The following TRPM6 variants were observed in gnomAD, a reference collection of about 807,000 sequenced individuals.
The protein encoded by TRPM6 is transient receptor potential cation channel subfamily M member 6.
A neutral mutation model predicts 247.6 loss-of-function variants in TRPM6; 111 were observed. That is an observed-to-expected ratio of 0.45 (90% CI 0.38 to 0.52). The LOEUF is 0.52. Among genes scored for constraint, TRPM6 ranks in the 20% least tolerant of loss-of-function variants. The probability of loss-of-function intolerance (pLI) is 0.00; values close to 1 mark genes in which losing one functional copy is unlikely to be tolerated. For synonymous variants in TRPM6, 892 were observed against 853.8 expected (o/e 1.04, Z -0.78); for missense variants, 2,126 against 2,421.5 (o/e 0.88, Z 2.56).
At chr9:74,807,226 C>A (rs1828555955) in intron 14 of TRPM6, among the ~76,000 whole-genome samples, 1 of 152,154 alleles carries the variant, frequency 6.6e-6, no homozygotes, top group Non-Finnish European at 1.5e-5. Context: ...GAATCTTACC[C>A]CAAACTGCCT....
chr9:74,873,847 C>T (rs1831104995), intron 1 of TRPM6, among the ~76,000 whole-genome samples: 1 of 151,642 alleles, frequency 6.6e-6, no homozygotes, highest in African/African-American at 2.4e-5. Flanking sequence ...GGGTAGGGTA[C>T]AGACAAGTTT....
intron 21 of TRPM6, 79 bp downstream of exon 21, chr9:74,785,795 T>C (rs1274724224): frequency 1.3e-6 from 2 of 1,541,462 alleles, no homozygotes; most frequent in Admixed American, 1.7e-5. Flanking sequence ...AGTGCTGGGA[T>C]TACAGGTGTG....
At chr9:74,885,072 G>A (rs1831490547) in intron 1 of TRPM6, among the ~76,000 whole-genome samples, 1 of 152,190 alleles carries the variant, frequency 6.6e-6, no homozygotes, top group Non-Finnish European at 1.5e-5. Context: ...CTTGAGGGAA[G>A]ATTTAGACAA....
chr9:74,856,449 G>C (rs928683596), intron 2 of TRPM6, among the ~76,000 whole-genome samples: 5 of 107,190 alleles, frequency 4.7e-5, no homozygotes, highest in African/African-American at 1.4e-4. Flanking sequence ...CAAAATATGT[G>C]TGTGTGTGTG....
chr9:74,867,962 G>C (rs1214757278), intron 1 of TRPM6, among the ~76,000 whole-genome samples: 2 of 151,794 alleles, frequency 1.3e-5, no homozygotes, highest in African/African-American at 4.8e-5. Flanking sequence ...AGACCAGCCT[G>C]GCCAACATGG....
intron 6 of TRPM6, among the ~76,000 whole-genome samples, chr9:74,828,763 G>A (rs981189071): frequency 2.0e-5 from 3 of 151,464 alleles, no homozygotes; most frequent in Middle Eastern, 3.2e-3. Context: ...CGAGTAGCTG[G>A]GTCTACAGGC....
chr9:74,739,228 A>C, intron 35 of TRPM6, 139 bp downstream of exon 35: 1 of 886,230 alleles, frequency 1.1e-6, no homozygotes, highest in Non-Finnish European at 1.9e-6. Context: ...CCAGTCTCCG[A>C]AATTATGGAA....
At chr9:74,864,139 TA>T (rs1830774896) in intron 1 of TRPM6, among the ~76,000 whole-genome samples, 1 of 152,192 alleles carries the variant, frequency 6.6e-6, no homozygotes, top group Non-Finnish European at 1.5e-5. Flanking sequence ...CTCTTAACCT[TA>T]TTGTAATCCA....
At position 74,827,812 on chromosome 9, in the gene TRPM6, C is replaced by T. The variant is rs983941972; in HGVS notation, c.807G>A (p.Leu269=). The change falls in exon 7 of 39, where the codon CTG becomes CTA. Residue 269 remains leucine, a synonymous_variant. Coordinates refer to ENST00000360774, the MANE Select transcript of TRPM6 (RefSeq NM_017662.5). The part of the protein sequence containing the change: ...YGNEMKLRRN[L]EKYLSLQKIH... The stretch of plus-strand genomic sequence containing the variant: ...TTTTCTGCAGAGAGAGGTACTTCTC[C>T]AGGTTCCTTCTGAGCTTCATTTCAT... 1.2e-6 allele frequency: 2 copies of T among 1,614,062 alleles called. No individual in the cohort carries two copies. Among genetic ancestry groups the T allele is most frequent in the African/African-American group, 1.3e-5 (1 of 74,982 alleles).
Position 74,775,909 on chromosome 9 carries a change from T to C in TRPM6, c.3377A>G (p.Asp1126Gly). The C allele has an allele frequency of 6.2e-7, 1 of 1,614,092 alleles. No individual in the cohort carries two copies. Among genetic ancestry groups the C allele is most frequent in the Non-Finnish European group, 8.5e-7 (1 of 1,180,034 alleles). The change falls in exon 24 of 39, where the codon GAC (aspartate) becomes GGC (glycine). Residue 1126 changes from aspartate to glycine, a missense_variant. Coordinates refer to ENST00000360774, the MANE Select transcript of TRPM6 (RefSeq NM_017662.5). ...RRLCCHRAPH[D>G]QEEGDVGLKL... ...TAATCCAACGTCACCCTCTTCTTGG[T>C]CGTGAGGAGCTCGATGACAGCACAG...
chr9:74,803,702 T>C (rs1331755712), intron 15 of TRPM6, 92 bp downstream of exon 15: 1 of 922,060 alleles, frequency 1.1e-6, no homozygotes, highest in Non-Finnish European at 1.8e-6. Flanking sequence ...GGTCCCTCTA[T>C]TTGCACCTCC....
chr9:74,759,965 C>G (rs906763954), intron 27 of TRPM6, among the ~76,000 whole-genome samples: 1 of 152,154 alleles, frequency 6.6e-6, no homozygotes, highest in Non-Finnish European at 1.5e-5. Flanking sequence ...ACAAACATGT[C>G]ACCAAAAATA....
chr9:74,749,869 C>A (rs1826179644), intron 30 of TRPM6, among the ~76,000 whole-genome samples: 2 of 152,150 alleles, frequency 1.3e-5, no homozygotes, highest in African/African-American at 4.8e-5. Context: ...GAAAGACCAT[C>A]TCTAAACAGA....
intron 18 of TRPM6, among the ~76,000 whole-genome samples, chr9:74,796,306 G>A (rs1828096863): frequency 6.6e-6 from 1 of 152,140 alleles, no homozygotes; most frequent in African/African-American, 2.4e-5. Flanking sequence ...CTGATTGTAA[G>A]CCCCACAGTT....
chr9:74,887,571 G>A, intron 1 of TRPM6: 1 of 1,481,642 alleles, frequency 6.7e-7, no homozygotes. Context: ...CTCCGCTATG[G>A]CCGCATCCCA....
At chr9:74,852,376 A>T (rs997175125) in intron 3 of TRPM6, among the ~76,000 whole-genome samples, 1 of 151,388 alleles carries the variant, frequency 6.6e-6, no homozygotes. Context: ...CTTTCAATAA[A>T]AAAAAAAAAT....
At chr9:74,839,110 CAAA>C (rs1041936045) in intron 5 of TRPM6, among the ~76,000 whole-genome samples, 3 of 62,972 alleles carry the variant, frequency 4.8e-5, no homozygotes. Flanking sequence ...GACTTCATCT[CAAA>C]AAAAAAAAAA....
At chr9:74,829,675 C>T (rs1829477627) in intron 6 of TRPM6, among the ~76,000 whole-genome samples, 1 of 152,044 alleles carries the variant, frequency 6.6e-6, no homozygotes, top group African/African-American at 2.4e-5. Context: ...AATTTCGAAG[C>T]ATGACACTGA....
chr9:74,792,678 G>A lies in TRPM6; in HGVS notation c.2484C>T (p.Thr828=). Residue 828 remains threonine, a synonymous_variant, in exon 19 of 39, where the codon ACC becomes ACT. Transcript: ENST00000360774. ...LESGHQHLPW[T]RKVYEFYSAP... ...CACTGTAGAACTCATAGACTTTCCTGGTCCACGGAAGGTGTTGGTGCCCAC... is the reference window on the plus strand; with the variant it reads ...CACTGTAGAACTCATAGACTTTCCTAGTCCACGGAAGGTGTTGGTGCCCAC... The A allele has an allele frequency of 6.2e-7, 1 of 1,613,976 alleles. No individual in the cohort carries two copies. Among genetic ancestry groups the A allele is most frequent in the Non-Finnish European group, 8.5e-7 (1 of 1,179,964 alleles).
Sources: gnomAD v4.1 joint callset for allele counts (sites outside exome capture counted in the v4.1 genomes callset) on GRCh38, gnomAD v4.1.1 for gene constraint, MANE v1.5 for transcripts, NCBI Gene and HGNC (gene_info 2026-07-23, HGNC 2026-07-21) for gene names.